The following LEKR1 variants were observed in gnomAD, a reference collection of about 807,000 sequenced individuals.
LEKR1 encodes protein LEKR1.
In LEKR1, 59 loss-of-function variants were observed where a neutral mutation model predicts 72.4. The ratio of observed to expected loss-of-function variants is 0.82; its 90% CI spans 0.66 to 1.01. The LOEUF is 1.01. LEKR1 is among the 50% of genes least tolerant of loss of function. The pLI, the probability that LEKR1 is intolerant of heterozygous loss-of-function variation, is 0.00. For synonymous variants in LEKR1, 257 were observed against 263.2 expected (o/e 0.98, Z 0.23); for missense variants, 728 against 759.2 (o/e 0.96, Z 0.48).
At chr3:156,897,639 T>C (rs1466998530) in intron 3 of LEKR1, among the ~76,000 whole-genome samples, 1 of 152,174 alleles carries the variant, frequency 6.6e-6, no homozygotes, top group Non-Finnish European at 1.5e-5. Context: ...AAAGGAAATG[T>C]CCAGGTTAAC....
At chr3:156,846,731 A>G (rs1163173011) in intron 2 of LEKR1, among the ~76,000 whole-genome samples, 8 of 152,208 alleles carry the variant, frequency 5.3e-5, no homozygotes, top group African/African-American at 2.4e-5. Flanking sequence ...ATCTACAAAG[A>G]ATAGTTTATT....
At chr3:156,991,565 T>A (rs942497030) in intron 7 of LEKR1, among the ~76,000 whole-genome samples, 4 of 152,120 alleles carry the variant, frequency 2.6e-5, no homozygotes, top group Non-Finnish European at 5.9e-5. Context: ...TACATTTAAA[T>A]TGGATATTAA....
At chr3:156,879,955 G>C (rs1719090413) in intron 3 of LEKR1, among the ~76,000 whole-genome samples, 1 of 152,230 alleles carries the variant, frequency 6.6e-6, no homozygotes, top group Non-Finnish European at 1.5e-5. Context: ...CTAGGCATAA[G>C]TTTGCTGCAG....
intron 6 of LEKR1, among the ~76,000 whole-genome samples, chr3:156,950,753 A>C (rs1373341264): frequency 6.6e-6 from 1 of 151,722 alleles, no homozygotes; most frequent in Non-Finnish European, 1.5e-5. Flanking sequence ...TATCAACTCA[A>C]GGAACTTTTG....
At chr3:157,022,741 T>C (rs1229787146) in intron 10 of LEKR1, among the ~76,000 whole-genome samples, 5 of 152,122 alleles carry the variant, frequency 3.3e-5, no homozygotes, top group Admixed American at 1.3e-4. Context: ...TTCAGAGGAA[T>C]ATCTTCTTTT....
rs1038103975 is a variant in LEKR1, at chr3:156,991,670, T to G, written c.828-983T>G. 6.8e-4 allele frequency among the ~76,000 whole-genome samples: 104 copies of G among 152,316 alleles called. 1 individual carries two copies. Among genetic ancestry groups the G allele is most frequent in the South Asian group, 2.9e-3 (14 of 4,830 alleles). On this transcript the variant is annotated intron_variant, in intron 7 of 12. Coordinates refer to ENST00000356539, the MANE Select transcript of LEKR1 (RefSeq NM_001004316.3). Reference sequence around the variant, plus strand: ...TTTCAGTTTTAGATCTTTCATTTGGTTCTTTTTAATGGTTTTTATTTCCCT... The same window carrying G: ...TTTCAGTTTTAGATCTTTCATTTGGGTCTTTTTAATGGTTTTTATTTCCCT...
intron 11 of LEKR1, among the ~76,000 whole-genome samples, chr3:157,027,807 G>A (rs1376685739): frequency 6.6e-6 from 1 of 152,012 alleles, no homozygotes; most frequent in Non-Finnish European, 1.5e-5. Context: ...TGGCAACAGA[G>A]CAAGACCCTG....
At chr3:156,939,713 T>C (rs528714165) in intron 5 of LEKR1, among the ~76,000 whole-genome samples, 13 of 152,316 alleles carry the variant, frequency 8.5e-5, no homozygotes, top group Non-Finnish European at 1.5e-4. Flanking sequence ...TGATATTTTT[T>C]AAAATGAAGT....
At chr3:157,020,164 G>A (rs1319713547) in intron 10 of LEKR1, among the ~76,000 whole-genome samples, 1 of 151,824 alleles carries the variant, frequency 6.6e-6, no homozygotes, top group African/African-American at 2.4e-5. Flanking sequence ...GAGTAAAACA[G>A]AACATTCAGC....
At chr3:156,860,335 A>G (rs907180381) in intron 3 of LEKR1, among the ~76,000 whole-genome samples, 7 of 152,222 alleles carry the variant, frequency 4.6e-5, no homozygotes, top group African/African-American at 1.7e-4. Context: ...TTTCCTCTTC[A>G]GTTTCTCCTC....
At chr3:157,026,043 C>A (rs1424388177) in intron 11 of LEKR1, among the ~76,000 whole-genome samples, 3 of 151,260 alleles carry the variant, frequency 2.0e-5, no homozygotes, top group Admixed American at 2.0e-4. Context: ...AAGTGAGACT[C>A]CTTCTCTAAA....
chr3:156,988,436 CT>C, intron 7 of LEKR1: 1 of 209,422 alleles, frequency 4.8e-6, no homozygotes, highest in South Asian at 9.7e-5. Context: ...TGAGTCATGG[CT>C]TTTTCCCTTG....
intron 3 of LEKR1, among the ~76,000 whole-genome samples, chr3:156,896,019 T>C (rs529171814): frequency 4.1e-4 from 62 of 152,320 alleles, no homozygotes; most frequent in Middle Eastern, 3.4e-3. Context: ...TGTGGAATAC[T>C]ATGCCACCAT....
At chr3:156,848,541 T>A (rs1714917788) in intron 2 of LEKR1, among the ~76,000 whole-genome samples, 1 of 152,204 alleles carries the variant, frequency 6.6e-6, no homozygotes, top group Admixed American at 6.5e-5. Flanking sequence ...ATATGGACTT[T>A]ATGAAAACAT....
chr3:156,961,355 C>T (rs1728115540), intron 6 of LEKR1, among the ~76,000 whole-genome samples: 1 of 152,132 alleles, frequency 6.6e-6, no homozygotes, highest in Non-Finnish European at 1.5e-5. Flanking sequence ...AGTTGTGTGA[C>T]CATCAGCAAA....
rs192794498 is a variant in LEKR1, at chr3:156,988,489, G to T, written c.828-4164G>T. 11 of 188,716 alleles carry T rather than the reference G, an allele frequency of 5.8e-5. 1 individual carries two copies. The East Asian group carries it at 9.6e-4, about 17-fold the overall frequency. The allele number at this position is 188,716 out of a possible 1,614,324, so 11.7% of individuals were successfully genotyped here. ...CCTTACCCACGAAAATTCCTGTAGC[G>T]AATCTAGGAAAGTATCAAATGCTTT... On this transcript the variant is annotated intron_variant, in intron 7 of 12. Transcript: ENST00000356539.
chr3:156,940,131 T>G (rs1726071678), intron 5 of LEKR1, among the ~76,000 whole-genome samples: 1 of 152,148 alleles, frequency 6.6e-6, no homozygotes, highest in East Asian at 1.9e-4. Context: ...AGCAATGCCT[T>G]TACTAATTTA....
At chr3:156,941,569 C>T (rs562296000) in intron 5 of LEKR1, among the ~76,000 whole-genome samples, 1 of 152,088 alleles carries the variant, frequency 6.6e-6, no homozygotes, top group East Asian at 1.9e-4. Context: ...AAACCAACCA[C>T]TTTTGACATC....
At chr3:156,910,408 A>C (rs1231574161) in intron 3 of LEKR1, among the ~76,000 whole-genome samples, 1 of 152,156 alleles carries the variant, frequency 6.6e-6, no homozygotes, top group Non-Finnish European at 1.5e-5. Context: ...TAATTTGCTT[A>C]GGATAATGGT....
Sources: gnomAD v4.1 joint callset for allele counts (sites outside exome capture counted in the v4.1 genomes callset) on GRCh38, gnomAD v4.1.1 for gene constraint, MANE v1.5 for transcripts, NCBI Gene and HGNC (gene_info 2026-07-23, HGNC 2026-07-21) for gene names.